PACRG: variants seen among roughly 807,000 people sequenced by gnomAD.
PACRG encodes the protein parkin coregulated.
A neutral mutation model predicts 29.7 loss-of-function variants in PACRG; 29 were observed. The ratio of observed to expected loss-of-function variants is 0.98; its 90% CI spans 0.73 to 1.33. PACRG has a LOEUF of 1.33. Ranked by LOEUF, PACRG falls within the 40% of genes most tolerant of loss-of-function variation. PACRG has a pLI of 0.00. For synonymous variants in PACRG, 116 were observed against 118.7 expected, an observed-to-expected ratio of 0.98 and a Z score of 0.15; for missense variants, 279 against 316.2, an observed-to-expected ratio of 0.88 and a Z score of 0.89.
intron 4 of PACRG, among the ~76,000 whole-genome samples, chr6:163,118,590 C>G (rs1238075574): frequency 2.0e-5 from 3 of 152,214 alleles, no homozygotes; most frequent in Admixed American, 2.0e-4. Context: ...CACTTGCTAA[C>G]TTAGTAAAGA....
At chr6:163,035,937 A>G (rs1808146890) in intron 2 of PACRG, among the ~76,000 whole-genome samples, 1 of 152,112 alleles carries the variant, frequency 6.6e-6, no homozygotes, top group African/African-American at 2.4e-5. Flanking sequence ...AACGCCTCTG[A>G]CAGTTACACA....
chr6:163,089,819 C>T (rs1007194846), intron 4 of PACRG, among the ~76,000 whole-genome samples: 4 of 152,094 alleles, frequency 2.6e-5, no homozygotes, highest in South Asian at 2.1e-4. Context: ...TTTTTAAGCA[C>T]TATTATTAAA....
At chr6:162,892,612 C>T (rs991245259) in intron 2 of PACRG, among the ~76,000 whole-genome samples, 8 of 152,236 alleles carry the variant, frequency 5.3e-5, no homozygotes, top group South Asian at 4.1e-4. Context: ...ATGCTCATGC[C>T]GCATTGCCAT....
At chr6:163,278,130 A>G (rs567794333) in intron 4 of PACRG, among the ~76,000 whole-genome samples, 1 of 152,192 alleles carries the variant, frequency 6.6e-6, no homozygotes, top group East Asian at 1.9e-4. Context: ...TCATTCATAT[A>G]TCTTCATTTG....
chr6:162,969,000 TCG>T (rs1801292213), intron 2 of PACRG, among the ~76,000 whole-genome samples: 1 of 126,040 alleles, frequency 7.9e-6, no homozygotes, highest in Non-Finnish European at 1.6e-5. Context: ...TGAGCCGAGA[TCG>T]CACCACTGCC....
At chr6:163,064,634 T>A (rs1177971942) in intron 3 of PACRG, among the ~76,000 whole-genome samples, 3 of 152,166 alleles carry the variant, frequency 2.0e-5, no homozygotes, top group Non-Finnish European at 1.5e-5. Flanking sequence ...TCCAGCACAG[T>A]GTGAAAAATA....
At chr6:163,112,133 T>C (rs1162254348) in intron 4 of PACRG, 1 of 699,256 alleles carries the variant, frequency 1.4e-6, no homozygotes, top group Non-Finnish European at 1.8e-6. Context: ...GGCATCTGCC[T>C]CCCTACCTAG....
chr6:163,261,970 AC>A (rs1461273159), intron 4 of PACRG, among the ~76,000 whole-genome samples: 1 of 152,192 alleles, frequency 6.6e-6, no homozygotes, highest in Non-Finnish European at 1.5e-5. Context: ...TAATTAATTA[AC>A]CTTTTTTGCA....
At chr6:162,875,901 C>T (rs1584621271) in intron 2 of PACRG, among the ~76,000 whole-genome samples, 1 of 152,106 alleles carries the variant, frequency 6.6e-6, no homozygotes, top group South Asian at 2.1e-4. Context: ...TTTCTATTTC[C>T]CTGGAGCTTG....
intron 2 of PACRG, among the ~76,000 whole-genome samples, chr6:163,004,415 A>G (rs1043728161): frequency 1.3e-5 from 2 of 151,916 alleles, no homozygotes; most frequent in African/African-American, 2.4e-5. Flanking sequence ...GAATCTTACA[A>G]TCATGGTGGA....
chr6:162,820,839 G>T (rs1787781055), intron 2 of PACRG, among the ~76,000 whole-genome samples: 1 of 152,038 alleles, frequency 6.6e-6, no homozygotes, highest in South Asian at 2.1e-4. Flanking sequence ...GGACTTAGTA[G>T]AATTTGCAAG....
At chr6:163,270,858 G>A (rs1158703437) in intron 4 of PACRG, among the ~76,000 whole-genome samples, 1 of 152,126 alleles carries the variant, frequency 6.6e-6, no homozygotes, top group African/African-American at 2.4e-5. Flanking sequence ...ATAGAAAATG[G>A]TAGCAAACTT....
intron 2 of PACRG, among the ~76,000 whole-genome samples, chr6:162,818,488 C>T (rs906154803): frequency 6.6e-6 from 1 of 152,068 alleles, no homozygotes. Flanking sequence ...TTGTCTCTAC[C>T]TCTGCTGTGT....
intron 2 of PACRG, among the ~76,000 whole-genome samples, chr6:162,835,109 A>G (rs1201359090): frequency 6.6e-6 from 1 of 152,104 alleles, no homozygotes; most frequent in Non-Finnish European, 1.5e-5. Flanking sequence ...GAAGCTTGGA[A>G]TAAATTATAC....
At chr6:162,971,388 G>T (rs1266977488) in intron 2 of PACRG, among the ~76,000 whole-genome samples, 1 of 152,198 alleles carries the variant, frequency 6.6e-6, no homozygotes, top group Non-Finnish European at 1.5e-5. Context: ...GATCAAATGT[G>T]TCAGCCTCTT....
rs1798699845 is a variant in PACRG, at chr6:162,942,446, G to A, written c.292-119704G>A. ...TTCTCTGCATTTACCTGGGTATTTT[G>A]TACTGACACTTCATCCAGTTCTTTA... On this transcript the variant is annotated intron_variant, in intron 2 of 4. Coordinates refer to ENST00000366888, the MANE Select transcript of PACRG (RefSeq NM_001080379.2). Among the ~76,000 whole-genome samples the A allele has an allele frequency of 2.0e-5, 3 of 151,192 alleles. No homozygotes were observed. The South Asian group carries it at 6.3e-4, about 32-fold the overall frequency.
rs909456638 is a variant in PACRG, at chr6:163,185,994, C to T, written c.613+96586C>T. On this transcript the variant is annotated intron_variant, in intron 4 of 4. Coordinates refer to ENST00000366888, the MANE Select transcript of PACRG (RefSeq NM_001080379.2). ...TGAGTGGGGGAGGGCGTGCCCCCTC[C>T]TCTCTCTGTTTTGGTCCAGCCTATA... is the stretch of plus-strand genomic sequence containing the variant. 4.6e-5 allele frequency among the ~76,000 whole-genome samples: 7 copies of T among 152,288 alleles called. No homozygotes were observed. In the South Asian group the frequency reaches 1.0e-3, roughly 23 times the overall value.
At chr6:162,926,172 A>G (rs993019934) in intron 2 of PACRG, among the ~76,000 whole-genome samples, 1 of 152,160 alleles carries the variant, frequency 6.6e-6, no homozygotes, top group Non-Finnish European at 1.5e-5. Flanking sequence ...AACAAATGCA[A>G]ATATATTCCA....
intron 4 of PACRG, among the ~76,000 whole-genome samples, chr6:163,113,860 T>G (rs1285971919): frequency 3.3e-5 from 5 of 152,230 alleles, no homozygotes; most frequent in Admixed American, 3.3e-4. Context: ...GAAACTAGTA[T>G]TGTTTCACTT....
Sources: allele counts gnomAD v4.1 joint callset (sites outside exome capture counted in the v4.1 genomes callset), GRCh38; gene constraint gnomAD v4.1.1; transcripts MANE v1.5; gene names NCBI Gene and HGNC (gene_info 2026-07-23, HGNC 2026-07-21).